The following TP73 variants were observed in gnomAD, a reference collection of about 807,000 sequenced individuals.
The protein encoded by TP73 is tumor protein p73, also known as p53-like transcription factor.
A neutral mutation model predicts 62.5 loss-of-function variants in TP73; 25 were observed. The observed-to-expected ratio is 0.40, with a 90% CI of 0.29 to 0.56. TP73 has a LOEUF of 0.56. Among genes scored for constraint, TP73 ranks in the 20% least tolerant of loss-of-function variants. The probability of loss-of-function intolerance (pLI) is 0.46; values close to 1 mark genes in which losing one functional copy is unlikely to be tolerated. For synonymous variants in TP73, 423 were observed against 377.5 expected, an observed-to-expected ratio of 1.12 and a Z score of -1.40; for missense variants, 754 against 913.3, an observed-to-expected ratio of 0.83 and a Z score of 2.25.
At chr1:3,658,184 G>A (rs1020672603) in intron 1 of TP73, among the ~76,000 whole-genome samples, 4 of 152,246 alleles carry the variant, frequency 2.6e-5, no homozygotes, top group Non-Finnish European at 4.4e-5. Context: ...GGGGACATGG[G>A]GGACACATTA....
At chr1:3,690,690 G>C (rs920841993) in intron 3 of TP73, 21 of 1,424,186 alleles carry the variant, frequency 1.5e-5, no homozygotes, top group Non-Finnish European at 1.7e-5. Context: ...CCAGTTGACA[G>C]AACTAAGGGA....
intron 9 of TP73, among the ~76,000 whole-genome samples, chr1:3,729,085 G>T (rs537647800): frequency 6.6e-6 from 1 of 152,344 alleles, no homozygotes; most frequent in East Asian, 1.9e-4. Context: ...GAGGCTTGGG[G>T]GCCACAAGGA....
In TP73 at chr1:3,728,055, C is replaced by A. The variant is rs1570636920; in HGVS notation, c.986-74C>A. On this transcript the variant is annotated intron_variant, in intron 8 of 13. Coordinates refer to ENST00000378295, the MANE Select transcript of TP73 (RefSeq NM_005427.4). ...GATTGGCCCCAAGGGTGGGGCAGGT[C>A]TCCCTCCTCCCGGAAGGAGGCCTCA... 3 of 1,451,048 alleles carry A rather than the reference C, an allele frequency of 2.1e-6. No individual in the cohort carries two copies. The East Asian group carries it at 6.9e-5, about 33-fold the overall frequency. 89.9% of individuals were successfully genotyped at this position (1,451,048 alleles called of 1,614,324 possible).
At chr1:3,679,282 T>C (rs1278990311) in intron 1 of TP73, among the ~76,000 whole-genome samples, 9 of 152,186 alleles carry the variant, frequency 5.9e-5, no homozygotes. Context: ...TCACAAATCA[T>C]GTTTTGCCGA....
In TP73 at chr1:3,701,505, T is replaced by G. The variant is rs1462672153; in HGVS notation, c.187-6044T>G. ...CCATCCTACGAAGTCCACGTTGATT[T>G]CTTTTTTGGTTTTTTTCGAGACAGA... On this transcript the variant is annotated intron_variant, in intron 3 of 13. Coordinates refer to ENST00000378295, the MANE Select transcript of TP73 (RefSeq NM_005427.4). The surrounding 1 kb of genome is among the most constrained non-coding windows in gnomAD (Gnocchi z 4.7). 6.6e-6 allele frequency among the ~76,000 whole-genome samples: 1 copy of G among 152,062 alleles called. No individual in the cohort carries two copies. The highest frequency in any genetic ancestry group is 1.5e-5 in the Non-Finnish European group (1 of 68,002).
chr1:3,726,579 G>C (rs1557580741), intron 6 of TP73, among the ~76,000 whole-genome samples: 4 of 147,948 alleles, frequency 2.7e-5, no homozygotes, highest in Non-Finnish European at 6.0e-5. Context: ...AAGTGGGGGA[G>C]TGGATGGATG....
Position 3,731,336 on chromosome 1 carries a change from G to C in TP73, c.1485-127G>C, listed in dbSNP as rs1642123783. 1.3e-5 allele frequency: 14 copies of C among 1,062,038 alleles called. No individual in the cohort carries two copies. The East Asian group carries it at 3.5e-4, about 27-fold the overall frequency. 65.8% of individuals were successfully genotyped at this position (1,062,038 alleles called of 1,614,324 possible). A position where few individuals can be genotyped will look rare whatever the true frequency, so the allele number is the denominator to read the frequency against. On this transcript the variant is annotated intron_variant, in intron 12 of 13. Transcript: ENST00000378295. Reference sequence around the variant, plus strand: ...CCTGAGGGATGCCGTGGCCACCTGTGGGCTGGAGCCACCCTTCGGAGACAG... The same window carrying C: ...CCTGAGGGATGCCGTGGCCACCTGTCGGCTGGAGCCACCCTTCGGAGACAG...
At position 3,727,671 on chromosome 1, in the gene TP73, G is replaced by A. The variant is rs1641780902; in HGVS notation, c.886G>A (p.Ala296Thr). The part of the protein sequence containing the change: ...GRRSFEGRIC[A>T]CPGRDRKADE... The stretch of plus-strand genomic sequence containing the variant: ...CCGGTCCTTTGAGGGCCGCATCTGC[G>A]CCTGTCCTGGCCGCGACCGAAAAGC... Residue 296 changes from alanine to threonine, a missense_variant, in exon 8 of 14, where the codon GCC becomes ACC. This residue lies in a region of TP73 where 458 missense variants were observed against 528.7 expected (regional missense o/e 0.87). Coordinates refer to ENST00000378295, the MANE Select transcript of TP73 (RefSeq NM_005427.4). The A allele has an allele frequency of 1.3e-6, 2 of 1,597,008 alleles. No individual in the cohort carries two copies. Among genetic ancestry groups the A allele is most frequent in the African/African-American group, 1.3e-5 (1 of 74,852 alleles).
chr1:3,692,217 A>C (rs899637155), intron 3 of TP73, among the ~76,000 whole-genome samples: 12 of 152,058 alleles, frequency 7.9e-5, no homozygotes, highest in African/African-American at 2.9e-4. Context: ...CGATGGATAC[A>C]TGGATGTCTG....
intron 3 of TP73, chr1:3,690,677 C>G: frequency 7.1e-7 from 1 of 1,410,538 alleles, no homozygotes; most frequent in Non-Finnish European, 9.2e-7. Flanking sequence ...TTGTTGGATT[C>G]AGCCAGTTGA....
At chr1:3,695,606 T>C (rs1407506802) in intron 3 of TP73, among the ~76,000 whole-genome samples, 1 of 152,256 alleles carries the variant, frequency 6.6e-6, no homozygotes, top group Non-Finnish European at 1.5e-5. Context: ...GTGTCCACTC[T>C]GTTCCTGCAG....
At chr1:3,695,673 A>G (rs1638583142) in intron 3 of TP73, among the ~76,000 whole-genome samples, 2 of 152,348 alleles carry the variant, frequency 1.3e-5, no homozygotes, top group Admixed American at 6.5e-5. Flanking sequence ...GGCGGGGGGA[A>G]GCCAATCAGT....
chr1:3,704,002 G>A (rs894364606), intron 3 of TP73, among the ~76,000 whole-genome samples: 4 of 152,324 alleles, frequency 2.6e-5, no homozygotes, highest in East Asian at 1.9e-4. Context: ...CCCGGTACCC[G>A]GTGATGGGAG....
At chr1:3,718,227 G>GGGGCC (rs1325854178) in intron 4 of TP73, among the ~76,000 whole-genome samples, 18 of 152,204 alleles carry the variant, frequency 1.2e-4, no homozygotes, top group African/African-American at 4.3e-4. Context: ...GGGGCGGGGC[G>GGGGCC]GGGCATCCAC....
At chr1:3,677,323 C>T (rs1225484891) in intron 1 of TP73, among the ~76,000 whole-genome samples, 1 of 152,128 alleles carries the variant, frequency 6.6e-6, no homozygotes, top group Non-Finnish European at 1.5e-5. Context: ...GGTCTTTGTC[C>T]TGCTCCCACT....
At chr1:3,731,345 C>A in intron 12 of TP73, 118 bp from the exon 13 acceptor site, 1 of 1,119,934 alleles carries the variant, frequency 8.9e-7, no homozygotes, top group Non-Finnish European at 1.3e-6. Context: ...TGGGCTGGAG[C>A]CACCCTTCGG....
Position 3,662,817 on chromosome 1 carries a change from C to A in TP73, c.-34+10176C>A, listed in dbSNP as rs1416142744. On this transcript the variant is annotated intron_variant, in intron 1 of 13. Transcript: ENST00000378295. This position sits in a 1 kb window ranked among gnomAD's most constrained non-coding sequence, Gnocchi z 4.4. The stretch of plus-strand genomic sequence containing the variant: ...GAGATGGAATCAGCTCCCCACCAGG[C>A]CCCAGGACAGACCTGGCTGGGGAGC... Among the ~76,000 whole-genome samples the A allele has an allele frequency of 2.6e-5, 4 of 152,152 alleles. No individual in the cohort carries two copies. Among genetic ancestry groups the A allele is most frequent in the African/African-American group, 9.7e-5 (4 of 41,446 alleles).
chr1:3,681,489 CA>C (rs1311545941), intron 1 of TP73, among the ~76,000 whole-genome samples: 2 of 152,168 alleles, frequency 1.3e-5, no homozygotes, highest in African/African-American at 4.8e-5. Context: ...AGACAAAGAC[CA>C]GCGGACGGGC....
At position 3,696,888 on chromosome 1, in the gene TP73, G is replaced by A. The variant is rs554342384; in HGVS notation, c.187-10661G>A. Among the ~76,000 whole-genome samples, 8 of 152,178 alleles carry A rather than the reference G, an allele frequency of 5.3e-5. No individual in the cohort carries two copies. Among genetic ancestry groups the A allele is most frequent in the East Asian group, 3.9e-4 (2 of 5,166 alleles). ...CTGTGCCTAGTGCACGCCCGCCTCC[G>A]GCCCCCCTGCCACCCTCGGCCAGCT... On this transcript the variant is annotated intron_variant, in intron 3 of 13. Transcript: ENST00000378295. This position sits in a 1 kb window ranked among gnomAD's most constrained non-coding sequence, Gnocchi z 4.1.
Sources: gnomAD v4.1 joint callset for allele counts (sites outside exome capture counted in the v4.1 genomes callset) on GRCh38, gnomAD v4.1.1 for gene constraint, gnomAD v4.1.1 regional missense constraint, Gnocchi (gnomAD v3.1) non-coding constraint, MANE v1.5 for transcripts, NCBI Gene and HGNC (gene_info 2026-07-23, HGNC 2026-07-21) for gene names.